WWOX: variants seen among roughly 807,000 people sequenced by gnomAD.
WWOX encodes WW domain containing oxidoreductase.
In WWOX, 69 loss-of-function variants were observed where a neutral mutation model predicts 46.2. That is an observed-to-expected ratio of 1.49 (90% CI 1.23 to 1.82). The LOEUF (loss-of-function observed/expected upper bound fraction) is 1.82, where lower values mean the gene tolerates loss of function less well. WWOX is among the 40% of genes most tolerant of loss of function. The pLI is 0.00. For missense variants in WWOX, 919 were observed against 542.6 expected (o/e 1.69, Z -6.89); for synonymous variants, 359 against 202.6 (o/e 1.77, Z -6.56).
intron 8 of WWOX, among the ~76,000 whole-genome samples, chr16:78,540,556 A>G (rs1394766746): frequency 6.6e-6 from 1 of 152,164 alleles, no homozygotes; most frequent in East Asian, 1.9e-4. Context: ...TTGCTCATTA[A>G]TGCTGATATT....
intron 8 of WWOX, among the ~76,000 whole-genome samples, chr16:78,936,012 C>T (rs1334685956): frequency 6.6e-6 from 1 of 151,928 alleles, no homozygotes; most frequent in Non-Finnish European, 1.5e-5. Flanking sequence ...TGCTGAAGTT[C>T]TGCCAACACA....
chr16:78,769,718 T>G (rs1240456906), intron 8 of WWOX, among the ~76,000 whole-genome samples: 2 of 151,384 alleles, frequency 1.3e-5, no homozygotes, highest in Non-Finnish European at 2.9e-5. Flanking sequence ...GTAAAGAGAA[T>G]CAGGCCGAGC....
intron 5 of WWOX, among the ~76,000 whole-genome samples, chr16:78,335,856 C>T (rs945303668): frequency 1.3e-5 from 2 of 152,124 alleles, no homozygotes; most frequent in African/African-American, 4.8e-5. Context: ...CTTTGTGAGG[C>T]CGAGGCGGGT....
Position 78,929,751 on chromosome 16 carries a change from G to C in WWOX, c.1057-281857G>C, listed in dbSNP as rs59386537. The stretch of plus-strand genomic sequence containing the variant: ...CTTTGAAAAGAAAATGGAAAGATGA[G>C]GTTGCAGAGGGTCAGTCCAAGGTGA... On this transcript the variant is annotated intron_variant, in intron 8 of 8. Transcript: ENST00000566780. Among the ~76,000 whole-genome samples the C allele has an allele frequency of 8.9e-3, 1,357 of 152,280 alleles. 30 individuals carry two copies. Among genetic ancestry groups the C allele is most frequent in the African/African-American group, 0.031 (1,285 of 41,576 alleles).
intron 8 of WWOX, among the ~76,000 whole-genome samples, chr16:78,978,205 G>A (rs1281214407): frequency 6.6e-6 from 1 of 152,182 alleles, no homozygotes; most frequent in Admixed American, 6.5e-5. Context: ...GTATTCCACT[G>A]TATATTGATA....
At chr16:79,041,131 A>T (rs1043444743) in intron 8 of WWOX, among the ~76,000 whole-genome samples, 1 of 152,184 alleles carries the variant, frequency 6.6e-6, no homozygotes, top group East Asian at 1.9e-4. Flanking sequence ...TAACACACCT[A>T]TTGGCAGTCT....
intron 8 of WWOX, among the ~76,000 whole-genome samples, chr16:78,921,758 C>A (rs971978493): frequency 2.6e-5 from 4 of 152,206 alleles, no homozygotes; most frequent in Non-Finnish European, 5.9e-5. Context: ...TAAGGGGTAA[C>A]TGCAAGTTAG....
At chr16:78,847,863 TAGC>T (rs1278639211) in intron 8 of WWOX, among the ~76,000 whole-genome samples, 1 of 152,198 alleles carries the variant, frequency 6.6e-6, no homozygotes, top group Non-Finnish European at 1.5e-5. Context: ...AGTGGAATCT[TAGC>T]AGCAGAGGCA....
intron 8 of WWOX, among the ~76,000 whole-genome samples, chr16:79,011,900 CGCCTCA>C (rs1199197981): frequency 6.6e-6 from 1 of 152,028 alleles, no homozygotes; most frequent in Non-Finnish European, 1.5e-5. Flanking sequence ...GTGATCCTCC[CGCCTCA>C]GCCTCCTGAG....
At chr16:79,088,401 G>C (rs1180162070) in intron 8 of WWOX, among the ~76,000 whole-genome samples, 2 of 152,190 alleles carry the variant, frequency 1.3e-5, no homozygotes, top group Non-Finnish European at 2.9e-5. Flanking sequence ...GATAAAGACA[G>C]GGTTTGCTGA....
rs745854063 is a variant in WWOX, at chr16:78,301,007, T to C, written c.517-85853T>C. ...ATCCATCTACCCACCCATCCATCCA[T>C]CCATCCATCCATGCATCCATCCATC... On this transcript the variant is annotated intron_variant, in intron 5 of 8. Coordinates refer to ENST00000566780, the MANE Select transcript of WWOX (RefSeq NM_016373.4). Among the ~76,000 whole-genome samples, 11 of 151,962 alleles carry C rather than the reference T, an allele frequency of 7.2e-5. 1 individual carries two copies. Among genetic ancestry groups the C allele is most frequent in the Non-Finnish European group, 1.6e-4 (11 of 67,944 alleles).
intron 8 of WWOX, among the ~76,000 whole-genome samples, chr16:78,499,289 G>C (rs1024656347): frequency 1.3e-5 from 2 of 152,158 alleles, no homozygotes; most frequent in African/African-American, 4.8e-5. Context: ...TATGTGTGTG[G>C]CCTTGCTTCT....
chr16:78,789,415 C>A (rs1247682457), intron 8 of WWOX, among the ~76,000 whole-genome samples: 1 of 152,144 alleles, frequency 6.6e-6, no homozygotes, highest in Non-Finnish European at 1.5e-5. Context: ...AATTCTTTCT[C>A]TATTAAATGG....
intron 8 of WWOX, among the ~76,000 whole-genome samples, chr16:78,855,708 A>C (rs1022762545): frequency 8.5e-5 from 13 of 152,090 alleles, no homozygotes; most frequent in Non-Finnish European, 1.9e-4. Flanking sequence ...GTTTTTGTTT[A>C]TTGGTTGGGG....
At chr16:78,982,798 A>G (rs769793358) in intron 8 of WWOX, among the ~76,000 whole-genome samples, 1 of 152,190 alleles carries the variant, frequency 6.6e-6, no homozygotes, top group African/African-American at 2.4e-5. Context: ...CTCTTCTAAA[A>G]TATATTTTAT....
At chr16:78,533,146 G>T (rs1201838546) in intron 8 of WWOX, among the ~76,000 whole-genome samples, 1 of 151,888 alleles carries the variant, frequency 6.6e-6, no homozygotes, top group East Asian at 1.9e-4. Context: ...CCAACCAAAG[G>T]TTGGAGCTCA....
chr16:78,718,797 A>G (rs1162793931), intron 8 of WWOX, among the ~76,000 whole-genome samples: 1 of 152,160 alleles, frequency 6.6e-6, no homozygotes, highest in East Asian at 1.9e-4. Flanking sequence ...AGACACTAAT[A>G]TATGCCAGGA....
chr16:78,173,412 C>T (rs560323582), intron 5 of WWOX, among the ~76,000 whole-genome samples: 5 of 151,964 alleles, frequency 3.3e-5, no homozygotes, highest in Non-Finnish European at 4.4e-5. Context: ...TCTCTGCCTC[C>T]TGAGTAGCTG....
intron 8 of WWOX, among the ~76,000 whole-genome samples, chr16:78,867,004 C>T (rs1260140870): frequency 1.3e-5 from 2 of 152,224 alleles, no homozygotes; most frequent in African/African-American, 2.4e-5. Flanking sequence ...GTCATAAACG[C>T]TCCTATTGCA....
Sources: gnomAD v4.1 joint callset for allele counts (sites outside exome capture counted in the v4.1 genomes callset) on GRCh38, gnomAD v4.1.1 for gene constraint, MANE v1.5 for transcripts, NCBI Gene and HGNC (gene_info 2026-07-23, HGNC 2026-07-21) for gene names.